LRRN1: variants seen among roughly 807,000 people sequenced by gnomAD.
LRRN1 encodes leucine rich repeat neuronal 1.
A neutral mutation model predicts 45.8 loss-of-function variants in LRRN1; 14 were observed. The ratio of observed to expected loss-of-function variants is 0.31; its 90% CI spans 0.20 to 0.48. The LOEUF is 0.48. Ranked by LOEUF, LRRN1 falls within the 20% of genes least tolerant of loss-of-function variation. LRRN1 has a pLI of 0.99. For missense variants in LRRN1, 789 were observed against 874.2 expected (o/e 0.90, Z 1.23); for synonymous variants, 359 against 330.1 (o/e 1.09, Z -0.95).
intron 1 of LRRN1, among the ~76,000 whole-genome samples, chr3:3,810,648 A>G (rs1045871343): frequency 2.6e-5 from 4 of 152,194 alleles, no homozygotes; most frequent in African/African-American, 4.8e-5. Context: ...TTCAGGCTGC[A>G]GTGATTCCTG....
rs368101948 is a variant in LRRN1 at position 3,845,826 on chromosome 3, G to A, written c.1185G>A (p.Leu395=). The change falls in exon 2 of 2, where the codon CTG becomes CTA. Residue 395 remains leucine, a synonymous_variant. Transcript: ENST00000319331. This position sits in a 1 kb window ranked among gnomAD's most constrained non-coding sequence, Gnocchi z 6.5. ...NKTNIRFMEP[L]SMFCAMPPEY... ...CCAACATCCGCTTCATGGAGCCCCTGTCCATGTTCTGTGCCATGCCGCCCG... is the reference window on the plus strand; with the variant it reads ...CCAACATCCGCTTCATGGAGCCCCTATCCATGTTCTGTGCCATGCCGCCCG... The A allele has an allele frequency of 3.6e-5, 58 of 1,614,128 alleles. 7 individuals carry two copies. The highest frequency in any genetic ancestry group is 8.9e-5 in the East Asian group (4 of 44,856).
chr3:3,800,820 AG>A (rs1307352622), intron 1 of LRRN1: 1 of 152,868 alleles, frequency 6.5e-6, no homozygotes, highest in African/African-American at 2.4e-5. Context: ...GGGAAGCCTC[AG>A]CCCCGCCAGG....
At chr3:3,836,748 G>A (rs139643554) in intron 1 of LRRN1, among the ~76,000 whole-genome samples, 54 of 152,256 alleles carry the variant, frequency 3.5e-4, no homozygotes, top group Non-Finnish European at 2.9e-4. Context: ...TGGGATATGG[G>A]GGGTGGTACA....
At chr3:3,827,190 T>A in intron 1 of LRRN1, 1 of 225,546 alleles carries the variant, frequency 4.4e-6, no homozygotes, top group Non-Finnish European at 9.1e-6. Context: ...GGTTTTATAA[T>A]CTCCATTTTC....
At chr3:3,830,543 C>G (rs1399666418) in intron 1 of LRRN1, among the ~76,000 whole-genome samples, 1 of 152,164 alleles carries the variant, frequency 6.6e-6, no homozygotes, top group Non-Finnish European at 1.5e-5. Flanking sequence ...TTGTGCAGAA[C>G]CATCTGTGAA....
At position 3,844,886 on chromosome 3, in the gene LRRN1, A is replaced by G. The variant is rs1301430991; in HGVS notation, c.245A>G (p.Asn82Ser). Reference sequence around the variant, plus strand: ...ACACAAGTGCTTCTCTTACAGAGCAATAACATCGCAAAGACTGTGGATGAG... The same window carrying G: ...ACACAAGTGCTTCTCTTACAGAGCAGTAACATCGCAAAGACTGTGGATGAG... Reference protein sequence around the residue: ...SDTQVLLLQSNNIAKTVDELQ... With the variant: ...SDTQVLLLQSSNIAKTVDELQ... The change falls in exon 2 of 2, where the codon AAT (asparagine) becomes AGT (serine). Residue 82 changes from asparagine (N) to serine (S), a missense_variant. Physicochemically the swap from Asn to Ser is conservative, Grantham distance 46. Coordinates refer to ENST00000319331, the MANE Select transcript of LRRN1 (RefSeq NM_020873.7). The G allele has an allele frequency of 1.2e-6, 2 of 1,614,172 alleles. No homozygotes were observed. The highest frequency in any genetic ancestry group is 8.5e-7 in the Non-Finnish European group (1 of 1,180,012).
At chr3:3,841,277 C>T (rs1471603507) in intron 1 of LRRN1, among the ~76,000 whole-genome samples, 21 of 110,888 alleles carry the variant, frequency 1.9e-4, no homozygotes, top group East Asian at 2.6e-4. Flanking sequence ...GGCGACAGAG[C>T]GAGACTTTGT....
chr3:3,818,786 A>G (rs1280523259), intron 1 of LRRN1, among the ~76,000 whole-genome samples: 1 of 152,188 alleles, frequency 6.6e-6, no homozygotes, highest in East Asian at 1.9e-4. Context: ...CAGCTTTTAA[A>G]GTTAAGGAAC....
At chr3:3,815,397 G>A (rs1025687112) in intron 1 of LRRN1, among the ~76,000 whole-genome samples, 4 of 152,128 alleles carry the variant, frequency 2.6e-5, no homozygotes, top group Admixed American at 1.3e-4. Context: ...TTACACAGAA[G>A]AGTTGCTCAA....
chr3:3,833,730 G>T (rs1693422118), intron 1 of LRRN1, among the ~76,000 whole-genome samples: 1 of 152,170 alleles, frequency 6.6e-6, no homozygotes, highest in South Asian at 2.1e-4. Flanking sequence ...GCAGCGCAGG[G>T]TTTGTCTCCT....
intron 1 of LRRN1, among the ~76,000 whole-genome samples, chr3:3,838,030 C>T (rs1343531445): frequency 6.6e-6 from 1 of 152,078 alleles, no homozygotes; most frequent in African/African-American, 2.4e-5. Flanking sequence ...ATAATGGCTG[C>T]CAGCTTCATC....
At chr3:3,813,735 G>C (rs1164046651) in intron 1 of LRRN1, among the ~76,000 whole-genome samples, 1 of 152,114 alleles carries the variant, frequency 6.6e-6, no homozygotes, top group Non-Finnish European at 1.5e-5. Context: ...GGAAGAGGTG[G>C]TTTCCAGGAT....
At chr3:3,817,205 G>A (rs1693005882) in intron 1 of LRRN1, among the ~76,000 whole-genome samples, 1 of 152,140 alleles carries the variant, frequency 6.6e-6, no homozygotes, top group Non-Finnish European at 1.5e-5. Flanking sequence ...GCTTTCAGAG[G>A]AAAGGTTTCA....
chr3:3,843,424 C>G (rs1693686939), intron 1 of LRRN1, among the ~76,000 whole-genome samples: 1 of 151,548 alleles, frequency 6.6e-6, no homozygotes, highest in Non-Finnish European at 1.5e-5. Context: ...TGATGTTTTC[C>G]TTTTTTAGTT....
intron 1 of LRRN1, 51 bp from the exon 2 acceptor site, chr3:3,844,313 T>C (rs1693708045): frequency 4.8e-6 from 1 of 208,574 alleles, no homozygotes; most frequent in Admixed American, 5.4e-5. Flanking sequence ...AAGGCTATAA[T>C]GTAGAAAGTA....
At chr3:3,819,021 TCTCA>T (rs1306909803) in intron 1 of LRRN1, among the ~76,000 whole-genome samples, 1 of 151,260 alleles carries the variant, frequency 6.6e-6, no homozygotes, top group Non-Finnish European at 1.5e-5. Flanking sequence ...GAGACAAGAG[TCTCA>T]CTCTTTCACC....
rs1263934406 is a variant in LRRN1 at position 3,847,102 on chromosome 3, A to C, written c.*310A>C. On this transcript the variant is annotated 3_prime_UTR_variant, in exon 2 of 2. Transcript: ENST00000319331. ...TAATGCTGTTCTAACTACAGTGCTC[A>C]ATAAAATGATTAATGACAGGATGGG... The C allele has an allele frequency of 5.3e-6, 1 of 190,442 alleles. No individual in the cohort carries two copies. Among genetic ancestry groups the C allele is most frequent in the African/African-American group, 2.4e-5 (1 of 42,176 alleles). The allele number at this position is 190,442 out of a possible 1,614,324, so 11.8% of individuals were successfully genotyped here.
At position 3,799,771 on chromosome 3, in the gene LRRN1, TG is replaced by T. The variant is rs1164570052; in HGVS notation, c.-426del. On this transcript the variant is annotated 5_prime_UTR_variant, in exon 1 of 2. Coordinates refer to ENST00000319331, the MANE Select transcript of LRRN1 (RefSeq NM_020873.7). ...TCCCGGGGGTGCCCCAAGGAGCCAG[TG>T]CGCGCTGCGGGCTGGGAAGGAGGCG... 1 of 156,236 alleles carries T rather than the reference TG, an allele frequency of 6.4e-6. No homozygotes were observed. Among genetic ancestry groups the T allele is most frequent in the Non-Finnish European group, 1.4e-5 (1 of 70,206 alleles). 9.7% of individuals were successfully genotyped at this position (156,236 alleles called of 1,614,324 possible).
intron 1 of LRRN1, among the ~76,000 whole-genome samples, chr3:3,838,781 T>C (rs138657177): frequency 3.9e-5 from 6 of 152,296 alleles, no homozygotes; most frequent in East Asian, 1.9e-4. Flanking sequence ...ATTAGTGATA[T>C]GGAGCATTTT....
Sources: gnomAD v4.1 joint callset for allele counts (sites outside exome capture counted in the v4.1 genomes callset) on GRCh38, gnomAD v4.1.1 for gene constraint, Gnocchi (gnomAD v3.1) non-coding constraint, MANE v1.5 for transcripts, NCBI Gene and HGNC (gene_info 2026-07-23, HGNC 2026-07-21) for gene names.